The following DYNC2H1 variants were observed in gnomAD, a reference collection of about 807,000 sequenced individuals.
The protein encoded by DYNC2H1 is dynein cytoplasmic 2 heavy chain 1.
DYNC2H1 carries 410 observed loss-of-function variants against 570.0 expected under a neutral mutation model. The observed-to-expected ratio is 0.72, with a 90% CI of 0.66 to 0.78. The LOEUF (loss-of-function observed/expected upper bound fraction) is 0.78, where lower values mean the gene tolerates loss of function less well. Among genes scored for constraint, DYNC2H1 ranks in the 30% least tolerant of loss-of-function variants. The pLI, the probability that DYNC2H1 is intolerant of heterozygous loss-of-function variation, is 0.00. For synonymous variants in DYNC2H1, 1,688 were observed against 1,677.6 expected, an observed-to-expected ratio of 1.01 and a Z score of -0.15; for missense variants, 4,865 against 5,046.4, an observed-to-expected ratio of 0.96 and a Z score of 1.09.
chr11:103,172,276 C>T (rs1591357153), intron 34 of DYNC2H1, among the ~76,000 whole-genome samples: 2 of 152,160 alleles, frequency 1.3e-5, no homozygotes, highest in African/African-American at 2.4e-5. Flanking sequence ...TTTCTCCCAA[C>T]CAGTACTAAT....
intron 59 of DYNC2H1, among the ~76,000 whole-genome samples, chr11:103,229,263 C>T (rs1863914769): frequency 6.6e-6 from 1 of 152,152 alleles, no homozygotes; most frequent in Non-Finnish European, 1.5e-5. Context: ...TTTTGGCTTT[C>T]CTAGTATGTT....
rs1186179204 is a variant in DYNC2H1, at chr11:103,245,909, C to T, written c.10042+535C>T. 1.3e-5 allele frequency among the ~76,000 whole-genome samples: 2 copies of T among 152,110 alleles called. No homozygotes were observed. Among genetic ancestry groups the T allele is most frequent in the Non-Finnish European group, 2.9e-5 (2 of 68,002 alleles). On this transcript the variant is annotated intron_variant, in intron 65 of 88. Coordinates refer to ENST00000375735, the MANE Select transcript of DYNC2H1 (RefSeq NM_001377.3). The surrounding 1 kb of genome is among the most constrained non-coding windows in gnomAD (Gnocchi z 4.5). Reference sequence around the variant, plus strand: ...AAGAGCATATCATGCAAAGTGTATACACATACATATGTAGACGTGTACATA... The same window carrying T: ...AAGAGCATATCATGCAAAGTGTATATACATACATATGTAGACGTGTACATA...
intron 59 of DYNC2H1, among the ~76,000 whole-genome samples, chr11:103,226,481 A>G (rs1291997278): frequency 6.6e-6 from 1 of 152,100 alleles, no homozygotes; most frequent in African/African-American, 2.4e-5. Flanking sequence ...ATTATGTGAT[A>G]TTTGTTTTTA....
intron 53 of DYNC2H1, among the ~76,000 whole-genome samples, chr11:103,210,905 T>A (rs911250102): frequency 6.6e-6 from 1 of 152,040 alleles, no homozygotes; most frequent in Non-Finnish European, 1.5e-5. Flanking sequence ...GGTGATAGGG[T>A]ATTATTGAGA....
At chr11:103,110,669 C>T (rs1858070730) in intron 1 of DYNC2H1, among the ~76,000 whole-genome samples, 1 of 151,956 alleles carries the variant, frequency 6.6e-6, no homozygotes, top group African/African-American at 2.4e-5. Flanking sequence ...AAAAGAAAAA[C>T]ACAGAAGAAA....
chr11:103,208,884 CA>C (rs1161070932), intron 52 of DYNC2H1, among the ~76,000 whole-genome samples: 1 of 152,104 alleles, frequency 6.6e-6, no homozygotes, highest in African/African-American at 2.4e-5. Flanking sequence ...AGGGGCAAAT[CA>C]GGCCAGCACA....
At chr11:103,153,830 T>C (rs1860684537) in intron 22 of DYNC2H1, among the ~76,000 whole-genome samples, 2 of 151,890 alleles carry the variant, frequency 1.3e-5, no homozygotes, top group African/African-American at 4.8e-5. Flanking sequence ...AAATTACTTT[T>C]AGTGCCTCTG....
At position 103,168,901 on chromosome 11, in the gene DYNC2H1, G is replaced by T. The variant is rs771639486; in HGVS notation, c.4909G>T (p.Asp1637Tyr). 25 of 1,612,870 alleles carry T rather than the reference G, an allele frequency of 1.6e-5. 1 individual carries two copies. In the South Asian group the frequency reaches 2.7e-4, roughly 18 times the overall value. Reference sequence around the variant, plus strand: ...ACAACTTAGATTCTATATGAAAAGTGATCATACATGTTGTGTTCAAATGGT... The same window carrying T: ...ACAACTTAGATTCTATATGAAAAGTTATCATACATGTTGTGTTCAAATGGT... The part of the protein sequence containing the change: ...KKQLRFYMKS[D>Y]HTCCVQMVDS... The change falls in exon 32 of 89, where the codon GAT (aspartate) becomes TAT (tyrosine). Residue 1637 changes from aspartate (D) to tyrosine (Y), a missense_variant. Physicochemically the swap from Asp to Tyr is radical, Grantham distance 160. Coordinates refer to ENST00000375735, the MANE Select transcript of DYNC2H1 (RefSeq NM_001377.3).
chr11:103,311,233 G>T (rs1456468814), intron 78 of DYNC2H1, among the ~76,000 whole-genome samples: 2 of 151,820 alleles, frequency 1.3e-5, no homozygotes, highest in African/African-American at 4.8e-5. Flanking sequence ...TTTTCGAGGG[G>T]GTTGTTTTGC....
intron 83 of DYNC2H1, among the ~76,000 whole-genome samples, chr11:103,368,294 T>C (rs939513729): frequency 3.3e-5 from 5 of 152,216 alleles, no homozygotes; most frequent in African/African-American, 9.6e-5. Context: ...TAATAGCTTT[T>C]CTAACTGGAA....
intron 88 of DYNC2H1, among the ~76,000 whole-genome samples, chr11:103,470,990 C>T (rs916246992): frequency 3.3e-5 from 5 of 152,098 alleles, no homozygotes; most frequent in Admixed American, 6.6e-5. Flanking sequence ...GGAATCGCCA[C>T]ACTGACTTCC....
At chr11:103,273,877 G>A (rs1865804655) in intron 70 of DYNC2H1, among the ~76,000 whole-genome samples, 1 of 152,122 alleles carries the variant, frequency 6.6e-6, no homozygotes, top group African/African-American at 2.4e-5. Context: ...CAGATAACAG[G>A]AGAAGGGTAA....
At chr11:103,432,489 T>G (rs759288415) in intron 84 of DYNC2H1, among the ~76,000 whole-genome samples, 2 of 152,164 alleles carry the variant, frequency 1.3e-5, no homozygotes, top group Non-Finnish European at 2.9e-5. Context: ...CACTGCACTG[T>G]ATGTTCGTTA....
chr11:103,277,645 A>G lies in DYNC2H1; in HGVS notation c.10696-2703A>G, dbSNP rs1004026878. Among the ~76,000 whole-genome samples the G allele has an allele frequency of 1.3e-5, 2 of 152,018 alleles. No individual in the cohort carries two copies. The highest frequency in any genetic ancestry group is 2.9e-5 in the Non-Finnish European group (2 of 67,976). ...GTGAACCCATCTTCAGTGATACTTT[A>G]TCTTTTGGAGTTCTTTGAGAACAGG... On this transcript the variant is annotated intron_variant, in intron 70 of 88. Transcript: ENST00000375735. This position sits in a 1 kb window ranked among gnomAD's most constrained non-coding sequence, Gnocchi z 4.3.
At chr11:103,183,101 A>G (rs1861920612) in intron 40 of DYNC2H1, among the ~76,000 whole-genome samples, 1 of 151,930 alleles carries the variant, frequency 6.6e-6, no homozygotes, top group Non-Finnish European at 1.5e-5. Flanking sequence ...CCTTGAAGGC[A>G]AGGACCAAGC....
Position 103,117,678 on chromosome 11 carries a change from C to G in DYNC2H1, c.814C>G (p.Leu272Val). ...FVQKKLGTLN[L>V]WEDPYYLVKE... is the part of the protein sequence containing the mutation. ...TCAGAAAAAGTTGGGAACTTTGAAC[C>G]TGTGGGAAGATCCTTATTATCTTGT... The change falls in exon 6 of 89, where the codon CTG becomes GTG. Residue 272 changes from leucine (L) to valine (V), a missense_variant. Leu to Val is a conservative substitution (Grantham distance 32). Transcript: ENST00000375735. 6.2e-7 allele frequency: 1 copy of G among 1,610,384 alleles called. No homozygotes were observed. The highest frequency in any genetic ancestry group is 8.5e-7 in the Non-Finnish European group (1 of 1,177,786).
In DYNC2H1 at chr11:103,354,479, C is replaced by A. The variant is rs12292813; in HGVS notation, c.12040-3764C>A. On this transcript the variant is annotated intron_variant, in intron 82 of 88. Transcript: ENST00000375735. ...ATGATTGTTTTTTAGTGTTTTATTT[C>A]TGTTGTATATTGGGATCATACTTCA... Among the ~76,000 whole-genome samples, 11 of 151,880 alleles carry A rather than the reference C, an allele frequency of 7.2e-5. No individual in the cohort carries two copies. In the South Asian group the frequency reaches 2.1e-3, roughly 29 times the overall value.
chr11:103,173,566 A>T (rs975711717), intron 35 of DYNC2H1, among the ~76,000 whole-genome samples: 21 of 152,046 alleles, frequency 1.4e-4, no homozygotes, highest in African/African-American at 4.8e-4. Context: ...GCTTCAGCTA[A>T]ATGATTCTTA....
intron 20 of DYNC2H1, 93 bp from the exon 21 acceptor site, chr11:103,152,041 TAA>T: frequency 7.8e-7 from 1 of 1,276,856 alleles, no homozygotes; most frequent in South Asian, 1.5e-5. Context: ...ATTTAAAAAA[TAA>T]AGTTATGAAA....
Sources: allele counts gnomAD v4.1 joint callset (sites outside exome capture counted in the v4.1 genomes callset), GRCh38; gene constraint gnomAD v4.1.1; non-coding constraint Gnocchi (gnomAD v3.1); transcripts MANE v1.5; gene names NCBI Gene and HGNC (gene_info 2026-07-23, HGNC 2026-07-21).